The following ADAM28 variants were observed in gnomAD, a reference collection of about 807,000 sequenced individuals.
ADAM28 encodes ADAM metallopeptidase domain 28, also known as disintegrin and metalloproteinase domain-containing protein 28.
In ADAM28, 105 loss-of-function variants were observed where a neutral mutation model predicts 101.2. The ratio of observed to expected loss-of-function variants is 1.04; its 90% CI spans 0.89 to 1.22. The LOEUF is 1.22. ADAM28 is among the 50% of genes most tolerant of loss of function. The pLI is 0.00. For synonymous variants in ADAM28, 322 were observed against 310.6 expected, an observed-to-expected ratio of 1.04 and a Z score of -0.39; for missense variants, 1,028 against 945.4, an observed-to-expected ratio of 1.09 and a Z score of -1.15.
At chr8:24,332,115 A>G (rs1813433788) in intron 12 of ADAM28, among the ~76,000 whole-genome samples, 1 of 152,220 alleles carries the variant, frequency 6.6e-6, no homozygotes, top group Admixed American at 6.5e-5. Flanking sequence ...GGGAATCTAG[A>G]CAGCTGCAGG....
intron 1 of ADAM28, among the ~76,000 whole-genome samples, chr8:24,299,070 G>A (rs1018228170): frequency 1.3e-5 from 2 of 151,572 alleles, no homozygotes; most frequent in African/African-American, 4.8e-5. Flanking sequence ...GTGCACACCT[G>A]CAGTCCCAGC....
intron 5 of ADAM28, among the ~76,000 whole-genome samples, chr8:24,311,977 A>T (rs988634665): frequency 6.6e-6 from 1 of 151,946 alleles, no homozygotes; most frequent in Non-Finnish European, 1.5e-5. Context: ...GACCTCAAGT[A>T]GTCTGCCCGC....
chr8:24,350,401 C>A (rs994632503), intron 19 of ADAM28, among the ~76,000 whole-genome samples: 1 of 152,052 alleles, frequency 6.6e-6, no homozygotes, highest in Non-Finnish European at 1.5e-5. Flanking sequence ...AACCTCCACA[C>A]CTCCCAGTTT....
At chr8:24,300,951 C>CTCAG (rs1415760947) in intron 2 of ADAM28, 4 of 152,122 alleles carry the variant, frequency 2.6e-5, no homozygotes, top group African/African-American at 9.7e-5. Context: ...ACAACATATT[C>CTCAG]TCAGTCAACA....
At chr8:24,327,237 G>A (rs1030720630) in intron 10 of ADAM28, among the ~76,000 whole-genome samples, 1 of 151,838 alleles carries the variant, frequency 6.6e-6, no homozygotes, top group East Asian at 1.9e-4. Context: ...ACAAGCATTC[G>A]TATACACCAA....
intron 9 of ADAM28, among the ~76,000 whole-genome samples, chr8:24,325,889 A>AAAAAAAAAAAAAAAAAAAAAAAAAAAAAC (rs1563297002): frequency 7.0e-6 from 1 of 142,002 alleles, no homozygotes; most frequent in African/African-American, 2.8e-5. Flanking sequence ...AAAAAAAAAA[A>AAAAAAAAAAAAAAAAAAAAAAAAAAAAAC]AAAAAAAAAA....
rs892587 is a variant in ADAM28 at position 24,357,422 on chromosome 8, C to A, written c.*3018C>A. The stretch of plus-strand genomic sequence containing the variant: ...GAGGATTAATTGACTCAGATTTCCA[C>A]ATGGCCTAGGAGGCCTCAGGAAACT... On this transcript the variant is annotated 3_prime_UTR_variant, in exon 23 of 23. Coordinates refer to ENST00000265769, the MANE Select transcript of ADAM28 (RefSeq NM_014265.6). 0.3 allele frequency: 46,178 copies of A among 152,060 alleles called. 8,135 individuals are homozygous for A. Among genetic ancestry groups the A allele is most frequent in the Admixed American group, 0.41 (6,202 of 15,276 alleles). The allele number at this position is 152,060 out of a possible 1,614,324, so 9.4% of individuals were successfully genotyped here.
At position 24,309,945 on chromosome 8, in the gene ADAM28, G is replaced by A. The variant is rs138423877; in HGVS notation, c.202G>A (p.Ala68Thr). 220 of 1,571,874 alleles carry A rather than the reference G, an allele frequency of 1.4e-4. No homozygotes were observed. In the African/African-American group the frequency reaches 2.8e-3, roughly 20 times the overall value. The change falls in exon 3 of 23, where the codon GCA (alanine) becomes ACA (threonine). Residue 68 changes from alanine to threonine, a missense_variant. By Grantham distance (58) the Ala-to-Thr change is moderately conservative (BLOSUM62 0). Transcript: ENST00000265769. ...KYKMTINGKI[A>T]VLYLKKNKNL... Reference sequence around the variant, plus strand: ...TAAAATGACAATTAATGGAAAAATTGCAGTGCTTTATTTGAAAAAAAACAA... The same window carrying A: ...TAAAATGACAATTAATGGAAAAATTACAGTGCTTTATTTGAAAAAAAACAA...
At chr8:24,303,802 TC>T (rs552402155) in intron 2 of ADAM28, among the ~76,000 whole-genome samples, 301 of 152,324 alleles carry the variant, frequency 2.0e-3, no homozygotes, top group Admixed American at 5.8e-3. Flanking sequence ...TTTGTTTGTG[TC>T]CTTTCTGATT....
chr8:24,326,434 T>TA (rs2129297134), intron 9 of ADAM28, 120 bp from the exon 10 acceptor site: 2 of 859,822 alleles, frequency 2.3e-6, no homozygotes, highest in Admixed American at 5.3e-5. Flanking sequence ...TAAAGAAAAA[T>TA]ATGACAGTGA....
intron 2 of ADAM28, among the ~76,000 whole-genome samples, chr8:24,301,242 C>CA (rs1400701423): frequency 6.6e-6 from 1 of 152,182 alleles, no homozygotes; most frequent in Non-Finnish European, 1.5e-5. Flanking sequence ...AAATAATTAT[C>CA]AACCAAGTGG....
At chr8:24,310,121 T>C (rs760703665) in intron 3 of ADAM28, 42 bp from the exon 4 acceptor site, 2 of 1,597,364 alleles carry the variant, frequency 1.3e-6, no homozygotes, top group Non-Finnish European at 1.7e-6. Context: ...GACTTAGCAA[T>C]CAGCACAAGT....
At chr8:24,337,790 G>A (rs948502278) in intron 14 of ADAM28, among the ~76,000 whole-genome samples, 5 of 152,112 alleles carry the variant, frequency 3.3e-5, no homozygotes, top group African/African-American at 1.2e-4. Flanking sequence ...ATTCTTTTTG[G>A]CATCAAATCA....
chr8:24,329,334 T>C (rs1055829408), intron 10 of ADAM28, among the ~76,000 whole-genome samples: 2 of 152,166 alleles, frequency 1.3e-5, no homozygotes, highest in African/African-American at 4.8e-5. Flanking sequence ...TACTGGCAGA[T>C]TCTTATCTCC....
intron 16 of ADAM28, chr8:24,342,864 AGTT>A (rs1814951523): frequency 3.4e-6 from 2 of 581,180 alleles, no homozygotes; most frequent in Admixed American, 6.5e-5. Flanking sequence ...TGGGATATAC[AGTT>A]GTTTGGATTT....
At chr8:24,305,364 A>ATG (rs966615456) in intron 2 of ADAM28, among the ~76,000 whole-genome samples, 107 of 135,004 alleles carry the variant, frequency 7.9e-4, no homozygotes, top group African/African-American at 3.2e-3. Context: ...AAGTGTGTGT[A>ATG]TGTGTGTGTG....
At chr8:24,303,540 A>G (rs941244447) in intron 2 of ADAM28, among the ~76,000 whole-genome samples, 3 of 152,086 alleles carry the variant, frequency 2.0e-5, no homozygotes, top group African/African-American at 7.2e-5. Flanking sequence ...TTTGTTTACT[A>G]CAGCCTTGTA....
chr8:24,334,256 C>T (rs1286791419), intron 13 of ADAM28, among the ~76,000 whole-genome samples: 1 of 152,118 alleles, frequency 6.6e-6, no homozygotes, highest in Non-Finnish European at 1.5e-5. Context: ...CGTACAGTCT[C>T]ACTTGATTTT....
intron 1 of ADAM28, 89 bp downstream of exon 1, chr8:24,294,284 G>T: frequency 4.0e-6 from 6 of 1,482,224 alleles, no homozygotes; most frequent in South Asian, 1.2e-5. Flanking sequence ...AAACTATTTT[G>T]ACTTTTTTCT....
Sources: allele counts gnomAD v4.1 joint callset (sites outside exome capture counted in the v4.1 genomes callset), GRCh38; gene constraint gnomAD v4.1.1; transcripts MANE v1.5; gene names NCBI Gene and HGNC (gene_info 2026-07-23, HGNC 2026-07-21).